The following PRKD3 variants were observed in gnomAD, a reference collection of about 807,000 sequenced individuals.
PRKD3 encodes the protein protein kinase D3, also known as serine/threonine-protein kinase D3.
A neutral mutation model predicts 99.2 loss-of-function variants in PRKD3; 47 were observed. The ratio of observed to expected loss-of-function variants is 0.47; its 90% CI spans 0.38 to 0.60. The LOEUF (loss-of-function observed/expected upper bound fraction) is 0.60. PRKD3 is among the 20% of genes least tolerant of loss of function. PRKD3 has a pLI of 0.00. For synonymous variants in PRKD3, 392 were observed against 355.4 expected (o/e 1.10, Z -1.16); for missense variants, 1,019 against 1,088.4 (o/e 0.94, Z 0.90).
chr2:37,313,238 G>C (rs1012105839), intron 2 of PRKD3, among the ~76,000 whole-genome samples: 1 of 151,800 alleles, frequency 6.6e-6, no homozygotes, highest in Middle Eastern at 3.2e-3. Context: ...ATAAAGGATT[G>C]AGCACCCTGT....
chr2:37,256,958 G>C, intron 16 of PRKD3, 29 bp from the exon 17 acceptor site: 1 of 1,611,572 alleles, frequency 6.2e-7, no homozygotes, highest in East Asian at 2.2e-5. Context: ...TGTTAATTTT[G>C]TATTATAGTG....
At chr2:37,268,781 C>G (rs543917269) in intron 13 of PRKD3, 1 of 154,762 alleles carries the variant, frequency 6.5e-6, no homozygotes, top group African/African-American at 2.4e-5. Flanking sequence ...AAAGAGGAAG[C>G]TGCAATTAGA....
intron 14 of PRKD3, among the ~76,000 whole-genome samples, chr2:37,262,962 C>T (rs916252771): frequency 1.3e-5 from 2 of 150,616 alleles, no homozygotes; most frequent in Admixed American, 1.3e-4. Flanking sequence ...TTAGGATGGC[C>T]ATTTTATTTT....
rs989076267 is a variant in PRKD3, at chr2:37,316,947, A to G, written c.-423T>C. ...GTGAAATCCTCTTCGTTTAAAAAACAGTAAGTGTTTTGGATTAATCTATTC... is the reference window on the plus strand; with the variant it reads ...GTGAAATCCTCTTCGTTTAAAAAACGGTAAGTGTTTTGGATTAATCTATTC... On this transcript the variant is annotated 5_prime_UTR_variant, in exon 2 of 19. Coordinates refer to ENST00000234179, the MANE Select transcript of PRKD3 (RefSeq NM_005813.6). 8 of 998,966 alleles carry G rather than the reference A, an allele frequency of 8.0e-6. No homozygotes were observed. The highest frequency in any genetic ancestry group is 4.8e-6 in the Non-Finnish European group (4 of 838,902). 61.9% of individuals were successfully genotyped at this position (998,966 alleles called of 1,614,324 possible). A position where few individuals can be genotyped will look rare whatever the true frequency, so the allele number is the denominator to read the frequency against.
chr2:37,292,021 T>C (rs1007972632), intron 3 of PRKD3, among the ~76,000 whole-genome samples: 2 of 152,062 alleles, frequency 1.3e-5, no homozygotes, highest in Non-Finnish European at 2.9e-5. Context: ...ATGCGTGAGG[T>C]GGAAAAAGTG....
At chr2:37,255,155 C>G (rs996006544) in intron 17 of PRKD3, among the ~76,000 whole-genome samples, 4 of 152,318 alleles carry the variant, frequency 2.6e-5, no homozygotes, top group African/African-American at 9.6e-5. Context: ...TCTGAGATAA[C>G]ACTGGTTAAC....
In PRKD3 at chr2:37,253,417, T is replaced by C. The variant is rs985891456; in HGVS notation, c.2500-67A>G. The C allele has an allele frequency of 7.7e-6, 11 of 1,422,568 alleles. No homozygotes were observed. In the African/African-American group the frequency reaches 1.2e-4, roughly 15 times the overall value. The allele number at this position is 1,422,568 out of a possible 1,614,324, so 88.1% of individuals were successfully genotyped here. ...AAATACTGTCAACCTGGTTTTTGTTTTGTGTTTTTTTTTGTTGTTGTTTAG... is the reference window on the plus strand; with the variant it reads ...AAATACTGTCAACCTGGTTTTTGTTCTGTGTTTTTTTTTGTTGTTGTTTAG... On this transcript the variant is annotated intron_variant, in intron 18 of 18. Transcript: ENST00000234179.
chr2:37,296,239 C>T (rs1670668517), intron 2 of PRKD3, among the ~76,000 whole-genome samples: 1 of 151,864 alleles, frequency 6.6e-6, no homozygotes, highest in Admixed American at 6.6e-5. Context: ...AGAAGGAAAA[C>T]AACATCAAAA....
intron 5 of PRKD3, among the ~76,000 whole-genome samples, chr2:37,287,133 C>T (rs1373829467): frequency 4.8e-5 from 7 of 147,036 alleles, no homozygotes; most frequent in African/African-American, 7.6e-5. Context: ...GGGAGGCTGA[C>T]GCAGAAGAAT....
intron 5 of PRKD3, among the ~76,000 whole-genome samples, chr2:37,286,612 T>C (rs975407907): frequency 6.6e-6 from 1 of 152,202 alleles, no homozygotes; most frequent in African/African-American, 2.4e-5. Flanking sequence ...AGGTATATAT[T>C]CACTGATGAT....
intron 14 of PRKD3, among the ~76,000 whole-genome samples, chr2:37,265,042 G>A (rs145552790): frequency 2.0e-5 from 3 of 152,276 alleles, no homozygotes; most frequent in Non-Finnish European, 4.4e-5. Context: ...TTTTCTCTAA[G>A]TATGTGGGCA....
chr2:37,279,669 G>C (rs1057454888), intron 8 of PRKD3, 77 bp downstream of exon 8: 2 of 1,120,998 alleles, frequency 1.8e-6, no homozygotes, highest in Non-Finnish European at 2.4e-6. Flanking sequence ...CCCACTTAAA[G>C]AGACGTGGCT....
At chr2:37,268,023 G>T in intron 13 of PRKD3, 1 of 187,068 alleles carries the variant, frequency 5.3e-6, no homozygotes, top group Admixed American at 6.0e-5. Context: ...TTAAAAAAAG[G>T]TAGAAGTTTA....
intron 14 of PRKD3, among the ~76,000 whole-genome samples, chr2:37,264,118 T>C (rs1287065272): frequency 6.6e-6 from 1 of 152,188 alleles, no homozygotes; most frequent in African/African-American, 2.4e-5. Flanking sequence ...TCCCCAATTT[T>C]TTTCCTGCTC....
At chr2:37,255,032 C>T (rs945752199) in intron 17 of PRKD3, among the ~76,000 whole-genome samples, 3 of 152,306 alleles carry the variant, frequency 2.0e-5, no homozygotes, top group East Asian at 1.9e-4. Context: ...GACCCAGACA[C>T]GAACCAAATG....
At chr2:37,312,421 A>AG (rs1671468061) in intron 2 of PRKD3, among the ~76,000 whole-genome samples, 1 of 152,246 alleles carries the variant, frequency 6.6e-6, no homozygotes, top group African/African-American at 2.4e-5. Context: ...GTCATGGCAC[A>AG]GCTCAGAGGC....
chr2:37,265,792 G>A (rs1668797447), intron 14 of PRKD3, among the ~76,000 whole-genome samples: 1 of 152,142 alleles, frequency 6.6e-6, no homozygotes, highest in Admixed American at 6.5e-5. Flanking sequence ...GGGCAATATT[G>A]ATGAAAGTAA....
At position 37,250,932 on chromosome 2, in the gene PRKD3, C is replaced by G. The variant is rs1667438268; in HGVS notation, c.*2245G>C. 6.6e-6 allele frequency: 1 copy of G among 152,630 alleles called. No homozygotes were observed. Among genetic ancestry groups the G allele is most frequent in the South Asian group, 2.1e-4 (1 of 4,832 alleles). The allele number at this position is 152,630 out of a possible 1,614,324, so 9.5% of individuals were successfully genotyped here. On this transcript the variant is annotated 3_prime_UTR_variant, in exon 19 of 19. Transcript: ENST00000234179. Reference sequence around the variant, plus strand: ...AATCATTCAACTCCAGATTCTCTGACAGTGCCTTTACAAAATTTTTAGAAA... The same window carrying G: ...AATCATTCAACTCCAGATTCTCTGAGAGTGCCTTTACAAAATTTTTAGAAA...
intron 1 of PRKD3, among the ~76,000 whole-genome samples, chr2:37,322,276 C>T (rs1424595937): frequency 7.9e-5 from 12 of 152,138 alleles, no homozygotes; most frequent in Admixed American, 1.3e-4. Context: ...GTGTCTACGT[C>T]GTTGGTTTTT....
Sources: gnomAD v4.1 joint callset for allele counts (sites outside exome capture counted in the v4.1 genomes callset) on GRCh38, gnomAD v4.1.1 for gene constraint, MANE v1.5 for transcripts, NCBI Gene and HGNC (gene_info 2026-07-23, HGNC 2026-07-21) for gene names.